GRHL1: variants seen among roughly 807,000 people sequenced by gnomAD.
The protein encoded by GRHL1 is grainyhead-like protein 1 homolog.
Under a neutral mutation model 75.7 loss-of-function variants are expected in GRHL1, and 38 were observed. The ratio of observed to expected loss-of-function variants is 0.50; its 90% confidence interval spans 0.39 to 0.66. The LOEUF (loss-of-function observed/expected upper bound fraction) is 0.66. Among genes scored for constraint, GRHL1 ranks in the 30% least tolerant of loss-of-function variants. GRHL1 has a pLI of 0.00. For missense variants in GRHL1, 589 were observed against 767.5 expected (o/e 0.77, Z 2.75); for synonymous variants, 266 against 279.4 (o/e 0.95, Z 0.48).
chr2:9,954,814 A>G (rs1666941106), intron 1 of GRHL1, 101 bp from the exon 2 acceptor site: 1 of 1,010,034 alleles, frequency 9.9e-7, no homozygotes. Context: ...GTCATTGATG[A>G]AACAATAGGC....
intron 8 of GRHL1, among the ~76,000 whole-genome samples, chr2:9,973,128 G>A (rs1667803687): frequency 6.6e-6 from 1 of 152,172 alleles, no homozygotes; most frequent in Non-Finnish European, 1.5e-5. Flanking sequence ...CCTTGATGGT[G>A]ATTGGATAGC....
At chr2:9,983,183 C>T (rs1457312561) in intron 8 of GRHL1, among the ~76,000 whole-genome samples, 1 of 148,206 alleles carries the variant, frequency 6.7e-6, no homozygotes, top group Non-Finnish European at 1.5e-5. Flanking sequence ...GCACCGGCCC[C>T]ATCTTCTCTT....
Position 9,963,908 on chromosome 2 carries a change from G to GA in GRHL1, c.771dup (p.Ala258SerfsTer34). The GA allele has an allele frequency of 6.2e-7, 1 of 1,613,816 alleles. No homozygotes were observed. Among genetic ancestry groups the GA allele is most frequent in the Non-Finnish European group, 8.5e-7 (1 of 1,179,816 alleles). ...TAGGAACAACTTTGAATATACCCTA[G>GA]AAGCTTCAAAATCACTTCGACAGAA... On this transcript the variant is annotated frameshift_variant, in exon 6 of 16. Coordinates refer to ENST00000324907, the MANE Select transcript of GRHL1 (RefSeq NM_198182.3). LOFTEE classifies it high-confidence loss of function.
At chr2:9,962,147 G>A (rs943506716) in intron 4 of GRHL1, among the ~76,000 whole-genome samples, 1 of 152,132 alleles carries the variant, frequency 6.6e-6, no homozygotes, top group Non-Finnish European at 1.5e-5. Context: ...AATTTTGGTT[G>A]CAGGTCCTAG....
At chr2:9,981,584 T>TA (rs1252062995) in intron 8 of GRHL1, among the ~76,000 whole-genome samples, 35 of 152,354 alleles carry the variant, frequency 2.3e-4, no homozygotes, top group African/African-American at 8.4e-4. Flanking sequence ...TTTACACTAT[T>TA]ACTGCAGAGT....
At position 9,961,314 on chromosome 2, in the gene GRHL1, G is replaced by A. The variant is rs1369315765; in HGVS notation, c.547G>A (p.Val183Met). Residue 183 changes from valine to methionine, a missense_variant, in exon 4 of 16, where the codon GTG becomes ATG. Physicochemically the swap from Val to Met is conservative, Grantham distance 21. Transcript: ENST00000324907. ...GTATCATCCTGAGCCCACTGAGCGG[G>A]TGGTGGTTTTCGATCGGAATCTCAA... ...AVYHPEPTER[V>M]VVFDRNLNTD... The A allele has an allele frequency of 1.9e-6, 3 of 1,614,206 alleles. No individual in the cohort carries two copies. Among genetic ancestry groups the A allele is most frequent in the East Asian group, 2.2e-5 (1 of 44,880 alleles).
chr2:9,995,830 T>C (rs371746887), intron 12 of GRHL1, 49 bp from the exon 13 acceptor site: 13 of 1,042,010 alleles, frequency 1.2e-5, no homozygotes, highest in Non-Finnish European at 1.2e-5. Context: ...TTAATGTTGA[T>C]GCAGCTGGTT....
At chr2:9,977,412 C>T (rs1013189976) in intron 8 of GRHL1, among the ~76,000 whole-genome samples, 13 of 152,190 alleles carry the variant, frequency 8.5e-5, no homozygotes, top group South Asian at 4.1e-4. Flanking sequence ...CCTCCGCCTC[C>T]GGGGATCAAG....
At chr2:9,958,166 C>CTTT (rs1180405173) in intron 2 of GRHL1, among the ~76,000 whole-genome samples, 1 of 136,362 alleles carries the variant, frequency 7.3e-6, no homozygotes, top group African/African-American at 3.0e-5. Context: ...AGAGGTATTT[C>CTTT]TTTTTTTCTT....
chr2:9,990,155 CT>C lies in GRHL1; in HGVS notation c.1270-530del, dbSNP rs1279026426. Among the ~76,000 whole-genome samples, 32 of 145,872 alleles carry C rather than the reference CT, an allele frequency of 2.2e-4. No homozygotes were observed. The highest frequency in any genetic ancestry group is 4.3e-4 in the South Asian group (2 of 4,604). On this transcript the variant is annotated intron_variant, in intron 9 of 15. Coordinates refer to ENST00000324907, the MANE Select transcript of GRHL1 (RefSeq NM_198182.3). The surrounding 1 kb of genome is among the most constrained non-coding windows in gnomAD (Gnocchi z 4.2). ...ACATCCATTATAAGGAGAAATTTTGCTTTTTTTTTTTGAGACAGAGTTTCGC... is the reference window on the plus strand; with the variant it reads ...ACATCCATTATAAGGAGAAATTTTGCTTTTTTTTTTGAGACAGAGTTTCGC...
In GRHL1 at chr2:9,951,852, A is replaced by C; in HGVS notation, c.19A>C (p.Asn7His). ...GGGCGCGATGACACAGGAGTACGAC[A>C]AGTGAGTGAGGCGCAGGAGTCCGGC... The part of the protein sequence containing the change: MTQEYD[N>H]KRPVLVLQNE... Residue 7 changes from asparagine (N) to histidine (H), a missense_variant and splice_region_variant, in exon 1 of 16, where the codon AAC becomes CAC. Asn to His is a moderately conservative substitution (Grantham distance 68). Coordinates refer to ENST00000324907, the MANE Select transcript of GRHL1 (RefSeq NM_198182.3). This position sits in a 1 kb window ranked among gnomAD's most constrained non-coding sequence, Gnocchi z 4.2. The C allele has an allele frequency of 1.3e-6, 2 of 1,502,164 alleles. No homozygotes were observed. Among genetic ancestry groups the C allele is most frequent in the Non-Finnish European group, 1.8e-6 (2 of 1,120,892 alleles). The allele number at this position is 1,502,164 out of a possible 1,614,324, so 93.1% of individuals were successfully genotyped here.
chr2:9,961,093 A>G lies in GRHL1; in HGVS notation c.326A>G (p.Glu109Gly). 6.4e-7 allele frequency: 1 copy of G among 1,563,550 alleles called. No homozygotes were observed. Among genetic ancestry groups the G allele is most frequent in the Non-Finnish European group, 8.7e-7 (1 of 1,153,128 alleles). The change falls in exon 4 of 16, where the codon GAA becomes GGA. Residue 109 changes from glutamate (E) to glycine (G), a missense_variant. Coordinates refer to ENST00000324907, the MANE Select transcript of GRHL1 (RefSeq NM_198182.3). ...GAGCAGCCCCTCATCTCTGCTGGAG[A>G]AAACAGAGTGCAAGTACTGAAAAAT... ...VTEQPLISAGENRVQVLKNVP... is the reference protein window; with the variant it reads ...VTEQPLISAGGNRVQVLKNVP...
In GRHL1 at chr2:9,975,791, C is replaced by A. The variant is rs370608081; in HGVS notation, c.1111-10333C>A. ...ATCTCAGCTACTTGGGAGACTGAGG[C>A]AGGAAAATCGCTTGAACCCAGGAGT... On this transcript the variant is annotated intron_variant, in intron 8 of 15. Transcript: ENST00000324907. Among the ~76,000 whole-genome samples the A allele has an allele frequency of 4.0e-5, 6 of 151,658 alleles. No homozygotes were observed. In the South Asian group the frequency reaches 6.3e-4, roughly 16 times the overall value.
intron 8 of GRHL1, among the ~76,000 whole-genome samples, chr2:9,977,730 TCTCA>T (rs1416314761): frequency 3.9e-5 from 6 of 152,194 alleles, no homozygotes; most frequent in Admixed American, 6.5e-5. Context: ...ATGTTAAGGT[TCTCA>T]CTCCGCCCTC....
chr2:9,970,025 A>G (rs1343648320), intron 8 of GRHL1, among the ~76,000 whole-genome samples: 1 of 151,964 alleles, frequency 6.6e-6, no homozygotes, highest in African/African-American at 2.4e-5. Context: ...TTGTATTTTT[A>G]GTAGAGACGG....
At chr2:9,952,840 G>A in intron 1 of GRHL1, 2 of 322,526 alleles carry the variant, frequency 6.2e-6, no homozygotes, top group Non-Finnish European at 1.2e-5. Context: ...TTGTCAGTGT[G>A]TTCTTTTTCT....
chr2:9,957,837 A>G (rs552255923), intron 2 of GRHL1, among the ~76,000 whole-genome samples: 83 of 152,360 alleles, frequency 5.4e-4, no homozygotes, highest in African/African-American at 1.9e-3. Flanking sequence ...AGTTATTTCT[A>G]CAGGACACTC....
chr2:9,958,654 A>G, intron 2 of GRHL1, 132 bp from the exon 3 acceptor site: 1 of 648,886 alleles, frequency 1.5e-6, no homozygotes, highest in Non-Finnish European at 2.8e-6. Context: ...GTGTCCCCAT[A>G]GCCTGGTGTT....
rs1158779078 is a variant in GRHL1 at position 9,987,732 on chromosome 2, G to A, written c.1269+1450G>A. Among the ~76,000 whole-genome samples, 2 of 152,200 alleles carry A rather than the reference G, an allele frequency of 1.3e-5. No individual in the cohort carries two copies. The highest frequency in any genetic ancestry group is 6.5e-5 in the Admixed American group (1 of 15,282). On this transcript the variant is annotated intron_variant, in intron 9 of 15. Transcript: ENST00000324907. The surrounding 1 kb of genome is among the most constrained non-coding windows in gnomAD (Gnocchi z 4.2). ...GGGGCTGAGCTGGATTCAATGCAGGGAGAGTCTGGAAGGTGCGTCGAGTCT... is the reference window on the plus strand; with the variant it reads ...GGGGCTGAGCTGGATTCAATGCAGGAAGAGTCTGGAAGGTGCGTCGAGTCT...
Sources: allele counts gnomAD v4.1 joint callset (sites outside exome capture counted in the v4.1 genomes callset), GRCh38; gene constraint gnomAD v4.1.1; non-coding constraint Gnocchi (gnomAD v3.1); transcripts MANE v1.5; gene names NCBI Gene and HGNC (gene_info 2026-07-23, HGNC 2026-07-21).